Variants in ST14 observed in about 807,000 individuals in gnomAD.
ST14 encodes suppressor of tumorigenicity 14 protein.
A neutral mutation model predicts 96.5 loss-of-function variants in ST14; 40 were observed. The observed-to-expected ratio is 0.41, with a 90% confidence interval of 0.32 to 0.54. The LOEUF (loss-of-function observed/expected upper bound fraction) is 0.54. Ranked by LOEUF, ST14 falls within the 20% of genes least tolerant of loss-of-function variation. The probability of loss-of-function intolerance (pLI) is 0.17; values close to 1 mark genes in which losing one functional copy is unlikely to be tolerated. For missense variants in ST14, 1,066 were observed against 1,188.9 expected, an observed-to-expected ratio of 0.90 and a Z score of 1.52; for synonymous variants, 506 against 492.1, an observed-to-expected ratio of 1.03 and a Z score of -0.37.
chr11:130,198,561 C>A lies in ST14; in HGVS notation c.1624C>A (p.Gln542Lys). Residue 542 changes from glutamine (Q) to lysine (K), a missense_variant, in exon 14 of 19, where the codon CAG becomes AAG. Gln to Lys is a moderately conservative substitution (Grantham distance 53, BLOSUM62 1). Transcript: ENST00000278742. ...CAATGGGAAGTGCCTCTCGAAAAGC[C>A]AGCAGTGCAATGGGAAGGACGACTG... ...CSNGKCLSKS[Q>K]QCNGKDDCGD... 6.2e-7 allele frequency: 1 copy of A among 1,614,112 alleles called. No homozygotes were observed. The highest frequency in any genetic ancestry group is 8.5e-7 in the Non-Finnish European group (1 of 1,180,026).
chr11:130,171,858 T>C (rs1264695867), intron 1 of ST14, among the ~76,000 whole-genome samples: 2 of 152,088 alleles, frequency 1.3e-5, no homozygotes, highest in Non-Finnish European at 2.9e-5. Flanking sequence ...CAAAGTAACA[T>C]TTATCATCAA....
intron 1 of ST14, among the ~76,000 whole-genome samples, chr11:130,183,878 C>G (rs1440591628): frequency 1.3e-5 from 2 of 152,150 alleles, no homozygotes; most frequent in Non-Finnish European, 2.9e-5. Context: ...TGGAGACACC[C>G]CAAATGTCCA....
chr11:130,167,783 C>T lies in ST14; in HGVS notation c.81+7723C>T, dbSNP rs1021205238. Among the ~76,000 whole-genome samples the T allele has an allele frequency of 9.2e-5, 14 of 152,128 alleles. No homozygotes were observed. In the South Asian group the frequency reaches 1.0e-3, roughly 11 times the overall value. ...AGGCTGGAGTGCAGTGGCGCGATCT[C>T]GGCTCACTGCAACCTCTGCCTCCCG... On this transcript the variant is annotated intron_variant, in intron 1 of 18. Coordinates refer to ENST00000278742, the MANE Select transcript of ST14 (RefSeq NM_021978.4).
At chr11:130,194,458 C>T (rs951013506) in intron 8 of ST14, among the ~76,000 whole-genome samples, 170 bp downstream of exon 8, 1 of 152,244 alleles carries the variant, frequency 6.6e-6, no homozygotes. Context: ...TGGCCGACCG[C>T]CTGGGTCAGG....
At chr11:130,174,898 G>C (rs1020905465) in intron 1 of ST14, among the ~76,000 whole-genome samples, 5 of 152,134 alleles carry the variant, frequency 3.3e-5, no homozygotes, top group African/African-American at 1.2e-4. Flanking sequence ...TCCCTGGACT[G>C]GTTCATTAGC....
chr11:130,170,744 G>C (rs941962097), intron 1 of ST14, among the ~76,000 whole-genome samples: 4 of 152,114 alleles, frequency 2.6e-5, no homozygotes, highest in Non-Finnish European at 4.4e-5. Flanking sequence ...AGTGCCCTTA[G>C]ACCAATGTTA....
intron 1 of ST14, among the ~76,000 whole-genome samples, chr11:130,167,797 C>T (rs1271814889): frequency 1.3e-5 from 2 of 152,148 alleles, no homozygotes; most frequent in African/African-American, 4.8e-5. Flanking sequence ...TCACTGCAAC[C>T]TCTGCCTCCC....
chr11:130,198,897 C>G lies in ST14; in HGVS notation c.1685-50C>G. On this transcript the variant is annotated intron_variant, in intron 14 of 18. Transcript: ENST00000278742. ...CCATTGGTGGTTTCTGGCTTCTGGT[C>G]GGATGCTGCAGAGGAATTGAGCCCC... The G allele has an allele frequency of 1.2e-6, 2 of 1,612,172 alleles. 1 individual carries two copies.
chr11:130,194,548 G>A lies in ST14; in HGVS notation c.1016-92G>A, dbSNP rs1009876636. The A allele has an allele frequency of 4.4e-6, 6 of 1,350,586 alleles. No individual in the cohort carries two copies. The Admixed American group carries it at 7.2e-5, about 16-fold the overall frequency. The allele number at this position is 1,350,586 out of a possible 1,614,324, so 83.7% of individuals were successfully genotyped here. A position where few individuals can be genotyped will look rare whatever the true frequency, so the allele number is the denominator to read the frequency against. ...TGTGCAGCATCCACGCGTCCAGGAG[G>A]CAGCTCCAGGCCTCAGGCTGCAGAG... On this transcript the variant is annotated intron_variant, in intron 8 of 18. Coordinates refer to ENST00000278742, the MANE Select transcript of ST14 (RefSeq NM_021978.4).
intron 16 of ST14, among the ~76,000 whole-genome samples, chr11:130,201,298 A>G (rs60547552): frequency 0.039 from 5,922 of 152,330 alleles, 338 homozygotes; most frequent in African/African-American, 0.12. Flanking sequence ...GCACAGGGGC[A>G]TGGGCCTTCC....
Position 130,194,763 on chromosome 11 carries a change from T to C in ST14, c.1113+26T>C, listed in dbSNP as rs148843699. ...GTAGGAGCTATGGGGCGTGTGAACG[T>C]GTGTGTGTGTGAGCATGTATGTGCA... On this transcript the variant is annotated intron_variant, in intron 9 of 18. Coordinates refer to ENST00000278742, the MANE Select transcript of ST14 (RefSeq NM_021978.4). 9.6e-5 allele frequency: 135 copies of C among 1,411,052 alleles called. No individual in the cohort carries two copies. The African/African-American group carries it at 1.8e-3, about 19-fold the overall frequency. 87.4% of individuals were successfully genotyped at this position (1,411,052 alleles called of 1,614,324 possible).
At chr11:130,199,140 G>C in intron 15 of ST14, 71 bp downstream of exon 15, 7 of 1,490,460 alleles carry the variant, frequency 4.7e-6, no homozygotes, top group Non-Finnish European at 6.4e-6. Context: ...GGGTGCACCT[G>C]GAGGTGCAAT....
intron 16 of ST14, among the ~76,000 whole-genome samples, chr11:130,201,942 AGCCATGTCCTT>A (rs1417823219): frequency 2.0e-5 from 3 of 151,978 alleles, no homozygotes; most frequent in Non-Finnish European, 4.4e-5. Flanking sequence ...TCCTTTTTTG[AGCCATGTCCTT>A]GCTTTCTGGC....
At chr11:130,160,752 A>G (rs754381377) in intron 1 of ST14, among the ~76,000 whole-genome samples, 116 of 152,320 alleles carry the variant, frequency 7.6e-4, no homozygotes, top group South Asian at 1.9e-3. Context: ...AAAGATCTCA[A>G]AAAGATTACA....
At chr11:130,178,574 G>A (rs957001213) in intron 1 of ST14, among the ~76,000 whole-genome samples, 4 of 152,176 alleles carry the variant, frequency 2.6e-5, no homozygotes, top group African/African-American at 7.2e-5. Context: ...TGTTGACAAC[G>A]TCCTCACAGC....
intron 1 of ST14, among the ~76,000 whole-genome samples, chr11:130,171,323 A>C (rs1339113856): frequency 6.6e-6 from 1 of 152,222 alleles, no homozygotes; most frequent in African/African-American, 2.4e-5. Flanking sequence ...TGTGATAAGA[A>C]CACTTAATAC....
Position 130,196,276 on chromosome 11 carries a change from C to T in ST14, c.1114-63C>T, listed in dbSNP as rs1006465807. On this transcript the variant is annotated intron_variant, in intron 9 of 18. Coordinates refer to ENST00000278742, the MANE Select transcript of ST14 (RefSeq NM_021978.4). ...GGTCCATGCCGCTGCCTCCCTTTGA[C>T]GTCCTCAGGTTCAGGGAGGAGGGAG... 4.8e-5 allele frequency: 65 copies of T among 1,346,068 alleles called. 1 individual carries two copies. Among genetic ancestry groups the T allele is most frequent in the South Asian group, 1.4e-4 (11 of 80,148 alleles). The allele number at this position is 1,346,068 out of a possible 1,614,324, so 83.4% of individuals were successfully genotyped here. A position where few individuals can be genotyped will look rare whatever the true frequency, so the allele number is the denominator to read the frequency against.
At chr11:130,185,532 T>C (rs908583010) in intron 1 of ST14, among the ~76,000 whole-genome samples, 14 of 152,102 alleles carry the variant, frequency 9.2e-5, no homozygotes, top group Non-Finnish European at 1.9e-4. Context: ...GGTGTACAGC[T>C]ATAGTCCTAC....
chr11:130,194,852 A>ATG lies in ST14; in HGVS notation c.1113+138_1113+139dup, dbSNP rs58417767. 5.6e-4 allele frequency: 438 copies of ATG among 783,476 alleles called. No homozygotes were observed. In the East Asian group the frequency reaches 7.0e-3, roughly 12 times the overall value. The allele number at this position is 783,476 out of a possible 1,614,324, so 48.5% of individuals were successfully genotyped here. A position where few individuals can be genotyped will look rare whatever the true frequency, so the allele number is the denominator to read the frequency against. On this transcript the variant is annotated intron_variant, in intron 9 of 18. Coordinates refer to ENST00000278742, the MANE Select transcript of ST14 (RefSeq NM_021978.4). The stretch of plus-strand genomic sequence containing the variant: ...TGTGCATGTGTTTGCATATGTGTGC[A>ATG]TGTGTGTGTGTGTGTGTGTGTGTGC...
Sources: allele counts gnomAD v4.1 joint callset (sites outside exome capture counted in the v4.1 genomes callset), GRCh38; gene constraint gnomAD v4.1.1; transcripts MANE v1.5; gene names NCBI Gene and HGNC (gene_info 2026-07-23, HGNC 2026-07-21).